ZNF184: variants seen among roughly 807,000 people sequenced by gnomAD.
The protein encoded by ZNF184 is zinc finger protein 184 (Kruppel-like).
In ZNF184, 16 loss-of-function variants were observed where a neutral mutation model predicts 54.4. That is an observed-to-expected ratio of 0.29 (90% confidence interval 0.20 to 0.45). The LOEUF (loss-of-function observed/expected upper bound fraction) is 0.45, where lower values mean the gene tolerates loss of function less well. Ranked by LOEUF, ZNF184 falls within the 20% of genes least tolerant of loss-of-function variation. ZNF184 has a pLI of 1.00. For synonymous variants in ZNF184, 254 were observed against 295.3 expected (o/e 0.86, Z 1.43); for missense variants, 681 against 888.2 (o/e 0.77, Z 2.97).
chr6:27,422,627 T>C, the ZNF184 span, among the ~76,000 whole-genome samples: 1 of 152,174 alleles, frequency 6.6e-6, no homozygotes, highest in South Asian at 2.1e-4. Flanking sequence ...ATGTTCCTCA[T>C]GTGATTCTCC....
chr6:27,407,861 G>A, the ZNF184 span: 1 of 793,616 alleles, frequency 1.3e-6, no homozygotes, highest in African/African-American at 1.7e-5. Context: ...ATATCTATAA[G>A]GAGAAAGGGA....
chr6:27,450,341 A>G (rs1762686045), downstream of ZNF184, among the ~76,000 whole-genome samples: 1 of 152,166 alleles, frequency 6.6e-6, no homozygotes. Context: ...CTAATCTGCA[A>G]TGTGATGGTA....
the ZNF184 span, among the ~76,000 whole-genome samples, chr6:27,420,780 G>A: frequency 4.1e-4 from 63 of 152,190 alleles, 1 homozygote; most frequent in South Asian, 3.7e-3. Context: ...TTCAGCAATC[G>A]CACTCATTGG....
chr6:27,405,262 G>C, the ZNF184 span: 1 of 152,202 alleles, frequency 6.6e-6, no homozygotes, highest in Admixed American at 6.5e-5. Context: ...GTTATCATAG[G>C]AGATGACAGC....
At chr6:27,467,602 A>T (rs1483284091) in intron 3 of ZNF184, among the ~76,000 whole-genome samples, 1 of 152,114 alleles carries the variant, frequency 6.6e-6, no homozygotes, top group Non-Finnish European at 1.5e-5. Flanking sequence ...TCTCAAAAAA[A>T]AAGGATCCAG....
At chr6:27,464,756 C>T (rs895439988) in intron 3 of ZNF184, among the ~76,000 whole-genome samples, 1 of 152,050 alleles carries the variant, frequency 6.6e-6, no homozygotes, top group African/African-American at 2.4e-5. Flanking sequence ...GTGGTTCATG[C>T]CTGTAATCCC....
At chr6:27,438,757 A>G in the ZNF184 span, among the ~76,000 whole-genome samples, 1 of 152,212 alleles carries the variant, frequency 6.6e-6, no homozygotes, top group African/African-American at 2.4e-5. Flanking sequence ...GCTTCTAAAT[A>G]TCACCTTTTA....
At position 27,453,048 on chromosome 6, in the gene ZNF184, T is replaced by C. The variant is rs1469420304; in HGVS notation, c.511A>G (p.Ile171Val). The C allele has an allele frequency of 6.2e-7, 1 of 1,614,112 alleles. No individual in the cohort carries two copies. The highest frequency in any genetic ancestry group is 1.1e-5 in the South Asian group (1 of 91,068). ...PKEIKVTEKT[I>V]PSWEKGPVNN... Reference sequence around the variant, plus strand: ...ACAGGGCCTTTTTCCCAACTGGGTATTGTCTTTTCGGTTACCTTTATTTCC... The same window carrying C: ...ACAGGGCCTTTTTCCCAACTGGGTACTGTCTTTTCGGTTACCTTTATTTCC... The change falls in exon 6 of 6, where the codon ATA (isoleucine) becomes GTA (valine). Residue 171 changes from isoleucine to valine, a missense_variant. Coordinates refer to ENST00000683788, the MANE Select transcript of ZNF184 (RefSeq NM_001318891.2). The surrounding 1 kb of genome is among the most constrained non-coding windows in gnomAD (Gnocchi z 4.7).
At chr6:27,422,614 G>C in the ZNF184 span, among the ~76,000 whole-genome samples, 1 of 152,178 alleles carries the variant, frequency 6.6e-6, no homozygotes, top group East Asian at 1.9e-4. Context: ...GCAGTTTTTG[G>C]ATATGTTCCT....
At chr6:27,424,574 C>G in the ZNF184 span, among the ~76,000 whole-genome samples, 1 of 152,190 alleles carries the variant, frequency 6.6e-6, no homozygotes, top group Non-Finnish European at 1.5e-5. Flanking sequence ...CTCCAAGGCC[C>G]CACCTGAGTA....
chr6:27,466,924 C>T (rs1763153588), intron 3 of ZNF184, among the ~76,000 whole-genome samples: 1 of 152,142 alleles, frequency 6.6e-6, no homozygotes, highest in Admixed American at 6.6e-5. Flanking sequence ...ACAATAAAGC[C>T]TTCAACTTCT....
chr6:27,416,295 C>T, the ZNF184 span, among the ~76,000 whole-genome samples: 1 of 152,150 alleles, frequency 6.6e-6, no homozygotes, highest in Non-Finnish European at 1.5e-5. Flanking sequence ...TAAGAGATGG[C>T]ATATGTTTAG....
the ZNF184 span, among the ~76,000 whole-genome samples, chr6:27,412,328 G>C: frequency 6.6e-6 from 1 of 152,190 alleles, no homozygotes; most frequent in Non-Finnish European, 1.5e-5. Flanking sequence ...GGCCAGTTGG[G>C]TCAGCACGCC....
chr6:27,424,557 A>G, the ZNF184 span, among the ~76,000 whole-genome samples: 76 of 152,170 alleles, frequency 5.0e-4, no homozygotes, highest in Non-Finnish European at 4.4e-5. Flanking sequence ...GTATGGACAC[A>G]AAGGTTCTCC....
Position 27,451,129 on chromosome 6 carries a change from G to T in ZNF184, c.*174C>A. ...GTAGAGTTTTCTAATGTCACAGAGT[G>T]GCTTAATAACAATTGGATTAGTTCA... On this transcript the variant is annotated 3_prime_UTR_variant, in exon 6 of 6. Coordinates refer to ENST00000683788, the MANE Select transcript of ZNF184 (RefSeq NM_001318891.2). 1.6e-6 allele frequency: 1 copy of T among 627,970 alleles called. No homozygotes were observed. Among genetic ancestry groups the T allele is most frequent in the Non-Finnish European group, 2.5e-6 (1 of 399,662 alleles). The allele number at this position is 627,970 out of a possible 1,614,324, so 38.9% of individuals were successfully genotyped here.
At chr6:27,419,134 T>G in the ZNF184 span, among the ~76,000 whole-genome samples, 3 of 152,170 alleles carry the variant, frequency 2.0e-5, no homozygotes, top group Non-Finnish European at 4.4e-5. This position sits in a 1 kb window ranked among gnomAD's most constrained non-coding sequence, Gnocchi z 4.8. Flanking sequence ...AGTCTCACTC[T>G]GCTCTGTTGC....
At chr6:27,468,336 T>A (rs1451849438) in intron 2 of ZNF184, among the ~76,000 whole-genome samples, 2 of 152,218 alleles carry the variant, frequency 1.3e-5, no homozygotes, top group African/African-American at 4.8e-5. Context: ...TGCTACTTAC[T>A]CTACCCACCC....
At chr6:27,464,511 T>C (rs370707843) in intron 3 of ZNF184, among the ~76,000 whole-genome samples, 2 of 150,122 alleles carry the variant, frequency 1.3e-5, no homozygotes, top group Non-Finnish European at 3.0e-5. Flanking sequence ...GGAGATAAAA[T>C]AGAATCATAA....
downstream of ZNF184, among the ~76,000 whole-genome samples, chr6:27,448,613 G>GT (rs1762664627): frequency 6.6e-6 from 1 of 152,146 alleles, no homozygotes; most frequent in African/African-American, 2.4e-5. Flanking sequence ...TCCAGCCAGT[G>GT]TTTCTGAAAC....
Sources: allele counts gnomAD v4.1 joint callset (sites outside exome capture counted in the v4.1 genomes callset), GRCh38; gene constraint gnomAD v4.1.1; non-coding constraint Gnocchi (gnomAD v3.1); transcripts MANE v1.5; gene names NCBI Gene and HGNC (gene_info 2026-07-23, HGNC 2026-07-21).